MACROD2: variants seen among roughly 807,000 people sequenced by gnomAD.
MACROD2 encodes mono-ADP ribosylhydrolase 2.
Under a neutral mutation model 70.4 loss-of-function variants are expected in MACROD2, and 36 were observed. That is an observed-to-expected ratio of 0.51 (90% confidence interval 0.39 to 0.68). The LOEUF (loss-of-function observed/expected upper bound fraction) is 0.68. Ranked by LOEUF, MACROD2 falls within the 30% of genes least tolerant of loss-of-function variation. The probability of loss-of-function intolerance (pLI) is 0.00; values close to 1 mark genes in which losing one functional copy is unlikely to be tolerated. For synonymous variants in MACROD2, 172 were observed against 178.8 expected (o/e 0.96, Z 0.30); for missense variants, 496 against 538.4 (o/e 0.92, Z 0.78).
intron 3 of MACROD2, among the ~76,000 whole-genome samples, chr20:14,417,852 T>A (rs2122885426): frequency 6.6e-6 from 1 of 152,302 alleles, no homozygotes; most frequent in East Asian, 1.9e-4. Flanking sequence ...TTTAGGCTGT[T>A]AAAAAATACA....
intron 5 of MACROD2, among the ~76,000 whole-genome samples, chr20:14,846,397 GT>G (rs1188237605): frequency 7.0e-6 from 1 of 143,290 alleles, no homozygotes; most frequent in African/African-American, 2.6e-5. Context: ...CTAATTTTTT[GT>G]ATTTTTAGTA....
intron 6 of MACROD2, among the ~76,000 whole-genome samples, chr20:15,300,116 A>G (rs937894590): frequency 6.6e-6 from 1 of 152,178 alleles, no homozygotes; most frequent in East Asian, 1.9e-4. Flanking sequence ...CAGCCAGAGT[A>G]TGATGGCAAT....
At chr20:15,068,926 A>C (rs1348993048) in intron 5 of MACROD2, among the ~76,000 whole-genome samples, 1 of 152,222 alleles carries the variant, frequency 6.6e-6, no homozygotes, top group African/African-American at 2.4e-5. Flanking sequence ...AGAAAAAGAC[A>C]GGAAGACAAG....
At chr20:14,533,309 A>G (rs2085327827) in intron 4 of MACROD2, among the ~76,000 whole-genome samples, 2 of 152,204 alleles carry the variant, frequency 1.3e-5, no homozygotes, top group Admixed American at 6.5e-5. Context: ...TGTTTTGTAG[A>G]CAGGATGCTG....
intron 3 of MACROD2, among the ~76,000 whole-genome samples, chr20:14,254,082 TGGA>T (rs1601403298): frequency 1.3e-5 from 2 of 152,110 alleles, no homozygotes; most frequent in African/African-American, 4.8e-5. Context: ...TATATTAACA[TGGA>T]GGACATTTGT....
At chr20:15,008,339 C>G (rs2075055735) in intron 5 of MACROD2, among the ~76,000 whole-genome samples, 1 of 152,138 alleles carries the variant, frequency 6.6e-6, no homozygotes, top group Non-Finnish European at 1.5e-5. Context: ...CAAATAAGGT[C>G]ACATTCTGAG....
chr20:14,527,462 G>C (rs1462715639), intron 4 of MACROD2, among the ~76,000 whole-genome samples: 5 of 151,252 alleles, frequency 3.3e-5, no homozygotes, highest in Non-Finnish European at 7.4e-5. Context: ...TCCCTTCCCA[G>C]CACTCCCATA....
At chr20:14,834,063 A>T (rs2073001263) in intron 5 of MACROD2, among the ~76,000 whole-genome samples, 1 of 152,118 alleles carries the variant, frequency 6.6e-6, no homozygotes. Context: ...TAGAGTTTAT[A>T]TAGATAAATG....
At chr20:14,683,007 G>C (rs2070953002) in intron 4 of MACROD2, among the ~76,000 whole-genome samples, 1 of 151,992 alleles carries the variant, frequency 6.6e-6, no homozygotes, top group African/African-American at 2.4e-5. Context: ...AGCCTCCTGA[G>C]TAGCCAGGAT....
chr20:15,577,263 C>T (rs978798589), intron 8 of MACROD2, among the ~76,000 whole-genome samples: 1 of 151,704 alleles, frequency 6.6e-6, no homozygotes, highest in African/African-American at 2.4e-5. Context: ...GTGCAGTCAA[C>T]ACACCTATTG....
rs187892161 is a variant in MACROD2 at position 14,054,809 on chromosome 20, T to A, written c.164-30812T>A. Among the ~76,000 whole-genome samples the A allele has an allele frequency of 5.4e-3, 825 of 152,272 alleles. 3 individuals carry two copies. The highest frequency in any genetic ancestry group is 0.023 in the South Asian group (109 of 4,830). On this transcript the variant is annotated intron_variant, in intron 2 of 17. Coordinates refer to ENST00000684519, the MANE Select transcript of MACROD2 (RefSeq NM_001351661.2). Reference sequence around the variant, plus strand: ...TCAATGGGGCCAGAAAACTCTGGATTGTGAAGTACTCAGAGATGAGAACAT... The same window carrying A: ...TCAATGGGGCCAGAAAACTCTGGATAGTGAAGTACTCAGAGATGAGAACAT...
At chr20:15,415,605 T>A (rs905681789) in intron 6 of MACROD2, among the ~76,000 whole-genome samples, 1 of 152,222 alleles carries the variant, frequency 6.6e-6, no homozygotes, top group African/African-American at 2.4e-5. Flanking sequence ...TTAATCAAGA[T>A]GCAATCATAA....
At chr20:14,711,909 A>T (rs1215512919) in intron 5 of MACROD2, among the ~76,000 whole-genome samples, 1 of 152,196 alleles carries the variant, frequency 6.6e-6, no homozygotes, top group East Asian at 1.9e-4. Flanking sequence ...CCTTAGAGCT[A>T]GCTAAGTCCC....
intron 4 of MACROD2, among the ~76,000 whole-genome samples, chr20:14,555,741 A>C (rs746381361): frequency 1.3e-5 from 2 of 152,026 alleles, no homozygotes; most frequent in African/African-American, 2.4e-5. Flanking sequence ...TGTTAGGTAC[A>C]TGGGGGACGT....
intron 6 of MACROD2, among the ~76,000 whole-genome samples, 165 bp downstream of exon 6, chr20:15,230,226 T>C (rs175283): frequency 0.57 from 86,005 of 152,026 alleles, 24,801 homozygotes; most frequent in African/African-American, 0.6. Context: ...TTTGATGTGC[T>C]ATAAATATTT....
chr20:15,058,171 T>C (rs1302354910), intron 5 of MACROD2, among the ~76,000 whole-genome samples: 2 of 152,112 alleles, frequency 1.3e-5, no homozygotes, highest in African/African-American at 2.4e-5. Context: ...CTCCATTAGC[T>C]TGAAAACTGA....
intron 5 of MACROD2, among the ~76,000 whole-genome samples, chr20:15,192,014 G>GTATCTATCTATC (rs71190179): frequency 0.011 from 1,544 of 146,476 alleles, 21 homozygotes; most frequent in Non-Finnish European, 0.013. Flanking sequence ...TATTAACTAT[G>GTATCTATCTATC]TATCTATCTA....
At chr20:14,167,856 T>A (rs900033914) in intron 3 of MACROD2, among the ~76,000 whole-genome samples, 1 of 151,986 alleles carries the variant, frequency 6.6e-6, no homozygotes, top group Non-Finnish European at 1.5e-5. Context: ...CAAGAACAAG[T>A]CTTAGGAGCT....
At chr20:15,368,542 A>C (rs2045445170) in intron 6 of MACROD2, among the ~76,000 whole-genome samples, 1 of 150,774 alleles carries the variant, frequency 6.6e-6, no homozygotes, top group African/African-American at 2.4e-5. Flanking sequence ...GCTCAGTGCA[A>C]CCTCTGCCTC....
Sources: allele counts gnomAD v4.1 joint callset (sites outside exome capture counted in the v4.1 genomes callset), GRCh38; gene constraint gnomAD v4.1.1; transcripts MANE v1.5; gene names NCBI Gene and HGNC (gene_info 2026-07-23, HGNC 2026-07-21).